Variants in CDK5RAP2 observed in about 807,000 individuals in gnomAD.
CDK5RAP2 encodes CDK5 regulatory subunit associated protein 2, also known as CDK5 regulatory subunit-associated protein 2.
Under a neutral mutation model 232.9 loss-of-function variants are expected in CDK5RAP2, and 147 were observed. That is an observed-to-expected ratio of 0.63 (90% confidence interval 0.55 to 0.72). CDK5RAP2 has a LOEUF of 0.72. Among genes scored for constraint, CDK5RAP2 ranks in the 30% least tolerant of loss-of-function variants. The probability of loss-of-function intolerance (pLI) is 0.00; values close to 1 mark genes in which losing one functional copy is unlikely to be tolerated. For synonymous variants in CDK5RAP2, 833 were observed against 833.7 expected, an observed-to-expected ratio of 1.00 and a Z score of 0.01; for missense variants, 2,195 against 2,231.5, an observed-to-expected ratio of 0.98 and a Z score of 0.33.
intron 3 of CDK5RAP2, among the ~76,000 whole-genome samples, chr9:120,558,850 C>T (rs1588654031): frequency 1.3e-5 from 2 of 152,232 alleles, no homozygotes; most frequent in African/African-American, 4.8e-5. Flanking sequence ...TAGAATTTTT[C>T]ACAATCTGTA....
chr9:120,550,896 T>C lies in CDK5RAP2; in HGVS notation c.202A>G (p.Thr68Ala). ...TTAAAGTTTTCTTTCTTCAATTCAG[T>C]GATTTGCTGAAAAATATCACAGAAG... Reference protein sequence around the residue: ...RNMKDFENQITELKKENFNLK... With the variant: ...RNMKDFENQIAELKKENFNLK... Residue 68 changes from threonine to alanine, a missense_variant, in exon 4 of 38, where the codon ACT (threonine) becomes GCT (alanine). Thr to Ala is a moderately conservative substitution (Grantham distance 58). Coordinates refer to ENST00000349780, the MANE Select transcript of CDK5RAP2 (RefSeq NM_018249.6). 2 of 1,597,126 alleles carry C rather than the reference T, an allele frequency of 1.3e-6. No individual in the cohort carries two copies. Among genetic ancestry groups the C allele is most frequent in the Non-Finnish European group, 1.7e-6 (2 of 1,164,552 alleles).
chr9:120,438,252 G>A (rs1588333839), intron 24 of CDK5RAP2, among the ~76,000 whole-genome samples: 1 of 152,352 alleles, frequency 6.6e-6, no homozygotes, highest in South Asian at 2.1e-4. Context: ...TAAGGGAAAT[G>A]TGACTCATGT....
Position 120,569,073 on chromosome 9 carries a change from T to C in CDK5RAP2, c.128-685A>G, listed in dbSNP as rs112483691. On this transcript the variant is annotated intron_variant, in intron 2 of 37. Coordinates refer to ENST00000349780, the MANE Select transcript of CDK5RAP2 (RefSeq NM_018249.6). ...CCCATCCTGCATGCTGAGGAAACAA[T>C]GGTGAAGGAGACACTAATCCTGCAT... Among the ~76,000 whole-genome samples, 156 of 152,222 alleles carry C rather than the reference T, an allele frequency of 1.0e-3. 1 individual carries two copies. The highest frequency in any genetic ancestry group is 3.4e-3 in the African/African-American group (142 of 41,546).
In CDK5RAP2 at chr9:120,474,949, T is replaced by C. The variant is rs182627465; in HGVS notation, c.1727+2401A>G. 7.2e-5 allele frequency among the ~76,000 whole-genome samples: 11 copies of C among 152,328 alleles called. No homozygotes were observed. In the East Asian group the frequency reaches 2.1e-3, roughly 29 times the overall value. On this transcript the variant is annotated intron_variant, in intron 15 of 37. Transcript: ENST00000349780. ...GCCAAGGTCTGAGGATTCAAAAACC[T>C]CCTGTAAACTAAGTTTATGCATGAT... is the stretch of plus-strand genomic sequence containing the variant.
chr9:120,579,370 G>A (rs897925051), intron 1 of CDK5RAP2, among the ~76,000 whole-genome samples: 2 of 152,178 alleles, frequency 1.3e-5, no homozygotes, highest in African/African-American at 4.8e-5. Context: ...TGGGAAAGCC[G>A]GTGAAATCAC....
At chr9:120,477,246 G>T in intron 15 of CDK5RAP2, 104 bp downstream of exon 15, 2 of 914,990 alleles carry the variant, frequency 2.2e-6, no homozygotes, top group Non-Finnish European at 3.6e-6. Context: ...GCAGGGCTTT[G>T]CTGCCTTAGA....
intron 14 of CDK5RAP2, among the ~76,000 whole-genome samples, chr9:120,486,163 T>G (rs950308271): frequency 1.3e-5 from 2 of 152,150 alleles, no homozygotes; most frequent in Non-Finnish European, 2.9e-5. Context: ...ATGAGGTCCC[T>G]AGTAGTTTTT....
At chr9:120,524,616 C>T (rs978410638) in intron 11 of CDK5RAP2, among the ~76,000 whole-genome samples, 5 of 150,430 alleles carry the variant, frequency 3.3e-5, no homozygotes, top group South Asian at 4.2e-4. Context: ...CAAGCCTCAG[C>T]GACAGAGGGG....
Position 120,519,550 on chromosome 9 carries a change from C to G in CDK5RAP2, c.1093-905G>C, listed in dbSNP as rs1450758376. On this transcript the variant is annotated intron_variant, in intron 11 of 37. Transcript: ENST00000349780. ...ATCACAAAAGACTCTGTAAAAACCA[C>G]AACCTTGCACAAAGGCCACCGCAAT... Among the ~76,000 whole-genome samples, 4 of 151,998 alleles carry G rather than the reference C, an allele frequency of 2.6e-5. No individual in the cohort carries two copies. The East Asian group carries it at 7.8e-4, about 29-fold the overall frequency.
intron 12 of CDK5RAP2, among the ~76,000 whole-genome samples, chr9:120,498,467 A>G (rs2039420461): frequency 6.6e-6 from 1 of 152,234 alleles, no homozygotes; most frequent in Non-Finnish European, 1.5e-5. Flanking sequence ...AAGACTAAGC[A>G]GACATGACAA....
intron 10 of CDK5RAP2, among the ~76,000 whole-genome samples, chr9:120,525,630 T>C (rs923871122): frequency 6.6e-6 from 1 of 151,994 alleles, no homozygotes; most frequent in Non-Finnish European, 1.5e-5. Flanking sequence ...TTTTTTTTTT[T>C]CCTTTGAGAC....
At chr9:120,479,304 C>T (rs1247944965) in intron 14 of CDK5RAP2, among the ~76,000 whole-genome samples, 2 of 152,094 alleles carry the variant, frequency 1.3e-5, no homozygotes, top group African/African-American at 4.8e-5. Context: ...AATCACCCTT[C>T]GCCAACCATC....
Position 120,403,389 on chromosome 9 carries a change from G to C in CDK5RAP2, c.5042-318C>G. The C allele has an allele frequency of 2.5e-6, 1 of 399,506 alleles. No individual in the cohort carries two copies. Among genetic ancestry groups the C allele is most frequent in the South Asian group, 2.4e-5 (1 of 41,616 alleles). 24.7% of individuals were successfully genotyped at this position (399,506 alleles called of 1,614,324 possible). A position where few individuals can be genotyped will look rare whatever the true frequency, so the allele number is the denominator to read the frequency against. ...ATTCCAGTAGCCCACAGTCTGATCAGAACACAGACACTGCAGAAGGTGCAA... is the reference window on the plus strand; with the variant it reads ...ATTCCAGTAGCCCACAGTCTGATCACAACACAGACACTGCAGAAGGTGCAA... On this transcript the variant is annotated intron_variant, in intron 33 of 37. Coordinates refer to ENST00000349780, the MANE Select transcript of CDK5RAP2 (RefSeq NM_018249.6). The surrounding 1 kb of genome is among the most constrained non-coding windows in gnomAD (Gnocchi z 4.2).
intron 15 of CDK5RAP2, among the ~76,000 whole-genome samples, chr9:120,475,865 T>C (rs2037978521): frequency 6.6e-6 from 1 of 152,196 alleles, no homozygotes; most frequent in East Asian, 1.9e-4. Context: ...GTGGGACCCC[T>C]GCCCTGAGGG....
intron 25 of CDK5RAP2, among the ~76,000 whole-genome samples, chr9:120,436,146 A>G (rs2035564121): frequency 6.6e-6 from 1 of 152,270 alleles, no homozygotes. Flanking sequence ...AACGGGATTA[A>G]TATTGTGTGC....
rs552288839 is a variant in CDK5RAP2 at position 120,507,234 on chromosome 9, GT to G, written c.1311+11192del. 7.3e-3 allele frequency among the ~76,000 whole-genome samples: 1,106 copies of G among 152,278 alleles called. 13 individuals carry two copies. Among genetic ancestry groups the G allele is most frequent in the African/African-American group, 0.025 (1,023 of 41,542 alleles). ...CACACATAATAGGCCACAGTATAGTGTTAACATAACTTTTATATTCACTGGA... is the reference window on the plus strand; with the variant it reads ...CACACATAATAGGCCACAGTATAGTGTAACATAACTTTTATATTCACTGGA... On this transcript the variant is annotated intron_variant, in intron 12 of 37. Transcript: ENST00000349780.
chr9:120,578,889 G>A (rs2043139346), intron 1 of CDK5RAP2, among the ~76,000 whole-genome samples: 1 of 152,104 alleles, frequency 6.6e-6, no homozygotes, highest in Non-Finnish European at 1.5e-5. Context: ...AAGTGTCCCA[G>A]TTAGCACAAT....
At chr9:120,472,785 T>C (rs891902920) in intron 15 of CDK5RAP2, among the ~76,000 whole-genome samples, 4 of 152,238 alleles carry the variant, frequency 2.6e-5, no homozygotes, top group Non-Finnish European at 4.4e-5. Flanking sequence ...TGGGGAAACC[T>C]GTCCAATAGA....
chr9:120,428,629 A>C (rs570498198), intron 25 of CDK5RAP2, among the ~76,000 whole-genome samples: 1 of 152,220 alleles, frequency 6.6e-6, no homozygotes, highest in Admixed American at 6.5e-5. Flanking sequence ...CTTACCAACC[A>C]AAAAGAGTCC....
Sources: gnomAD v4.1 joint callset for allele counts (sites outside exome capture counted in the v4.1 genomes callset) on GRCh38, gnomAD v4.1.1 for gene constraint, Gnocchi (gnomAD v3.1) non-coding constraint, MANE v1.5 for transcripts, NCBI Gene and HGNC (gene_info 2026-07-23, HGNC 2026-07-21) for gene names.